The following SVOPL variants were observed in gnomAD, a reference collection of about 807,000 sequenced individuals.
SVOPL encodes the protein putative transporter SVOPL.
Under a neutral mutation model 61.0 loss-of-function variants are expected in SVOPL, and 60 were observed. The observed-to-expected ratio is 0.98, with a 90% CI of 0.80 to 1.22. The LOEUF (loss-of-function observed/expected upper bound fraction) is 1.22, where lower values mean the gene tolerates loss of function less well. SVOPL is among the 50% of genes most tolerant of loss of function. The pLI, the probability that SVOPL is intolerant of heterozygous loss-of-function variation, is 0.00. For missense variants in SVOPL, 662 were observed against 643.9 expected, an observed-to-expected ratio of 1.03 and a Z score of -0.30; for synonymous variants, 279 against 250.0, an observed-to-expected ratio of 1.12 and a Z score of -1.09.
At chr7:138,693,660 AGAGG>A (rs1031984978) in intron 1 of SVOPL, among the ~76,000 whole-genome samples, 4 of 147,896 alleles carry the variant, frequency 2.7e-5, no homozygotes, top group South Asian at 4.4e-4. Context: ...AAAGAAAGAG[AGAGG>A]GAGGGAGGGA....
intron 14 of SVOPL, among the ~76,000 whole-genome samples, chr7:138,611,270 C>T (rs748789980): frequency 6.6e-6 from 1 of 152,038 alleles, no homozygotes; most frequent in African/African-American, 2.4e-5. Context: ...CCTAGCTACT[C>T]GGGACGCTGA....
chr7:138,623,685 C>T (rs1347440396), intron 13 of SVOPL, among the ~76,000 whole-genome samples: 1 of 152,140 alleles, frequency 6.6e-6, no homozygotes, highest in Non-Finnish European at 1.5e-5. Flanking sequence ...CTGTACATCC[C>T]AAATGCAGTT....
At chr7:138,597,323 T>TA in intron 14 of SVOPL, 4 of 994,776 alleles carry the variant, frequency 4.0e-6, no homozygotes, top group Non-Finnish European at 5.4e-6. Flanking sequence ...TTTCTTCCCT[T>TA]TACAGATGAG....
chr7:138,661,892 A>C, intron 5 of SVOPL: 1 of 985,380 alleles, frequency 1.0e-6, no homozygotes, highest in Non-Finnish European at 1.2e-6. Context: ...CCTTTAGGTC[A>C]ATATTTCTGG....
chr7:138,635,565 A>G (rs1800430851), intron 9 of SVOPL, among the ~76,000 whole-genome samples: 1 of 151,992 alleles, frequency 6.6e-6, no homozygotes, highest in African/African-American at 2.4e-5. Context: ...CTTGATAAAT[A>G]TGAGATTTAC....
intron 1 of SVOPL, among the ~76,000 whole-genome samples, chr7:138,693,978 C>T (rs999756392): frequency 2.6e-5 from 4 of 151,634 alleles, no homozygotes; most frequent in African/African-American, 4.9e-5. Context: ...TGTGTTCACC[C>T]GCACCGTACC....
At chr7:138,613,125 T>C (rs1225291100) in intron 14 of SVOPL, among the ~76,000 whole-genome samples, 1 of 152,052 alleles carries the variant, frequency 6.6e-6, no homozygotes, top group East Asian at 1.9e-4. Flanking sequence ...GTTCCAGCGA[T>C]TCTCCTGCCT....
chr7:138,637,487 GATAGATATAT>G (rs2116960792), intron 9 of SVOPL, among the ~76,000 whole-genome samples: 1 of 18,960 alleles, frequency 5.3e-5, no homozygotes, highest in East Asian at 2.2e-3. Context: ...TATAGATATA[GATAGATATAT>G]ATATATATAT....
chr7:138,618,722 G>C (rs1799414875), intron 14 of SVOPL, among the ~76,000 whole-genome samples: 1 of 148,792 alleles, frequency 6.7e-6, no homozygotes, highest in African/African-American at 2.5e-5. Context: ...GAGAGAGAGA[G>C]AGGAAGGAAG....
chr7:138,601,253 A>AAC (rs1798510468), intron 14 of SVOPL, among the ~76,000 whole-genome samples: 1 of 125,270 alleles, frequency 8.0e-6, no homozygotes, highest in Non-Finnish European at 1.7e-5. Flanking sequence ...TTCCATCTCA[A>AAC]AAAAAAAAAA....
At chr7:138,625,443 T>C (rs1799849654) in intron 13 of SVOPL, among the ~76,000 whole-genome samples, 1 of 152,182 alleles carries the variant, frequency 6.6e-6, no homozygotes, top group African/African-American at 2.4e-5. Context: ...CTAGGAATAT[T>C]AGTTGTTTAA....
At position 138,650,287 on chromosome 7, in the gene SVOPL, G is replaced by A. The variant is rs187162589; in HGVS notation, c.535-1150C>T. ...GGGTGTGTTAGTAGGGCTTGTGATT[G>A]GGGATGAGGGACAGGGAGGGTCCGG... is the stretch of plus-strand genomic sequence containing the variant. On this transcript the variant is annotated intron_variant, in intron 7 of 15. Transcript: ENST00000674285. Among the ~76,000 whole-genome samples the A allele has an allele frequency of 3.0e-3, 454 of 152,252 alleles. 1 individual carries two copies. Among genetic ancestry groups the A allele is most frequent in the Admixed American group, 5.8e-3 (89 of 15,282 alleles).
intron 8 of SVOPL, among the ~76,000 whole-genome samples, chr7:138,648,611 G>A (rs1321782060): frequency 6.6e-6 from 1 of 151,954 alleles, no homozygotes; most frequent in Admixed American, 6.6e-5. Context: ...AGGAGTCTGA[G>A]GCAGGAGAAT....
rs567041569 is a variant in SVOPL at position 138,680,214 on chromosome 7, G to A, written c.-34-1135C>T. On this transcript the variant is annotated intron_variant, in intron 1 of 15. Transcript: ENST00000674285. Reference sequence around the variant, plus strand: ...AGGCAGAGTCTTGCCCTGTTGCCCAGACTGGAGTGCAGTGGCACGATCTCG... The same window carrying A: ...AGGCAGAGTCTTGCCCTGTTGCCCAAACTGGAGTGCAGTGGCACGATCTCG... Among the ~76,000 whole-genome samples, 179 of 145,314 alleles carry A rather than the reference G, an allele frequency of 1.2e-3. 1 individual carries two copies. The highest frequency in any genetic ancestry group is 4.4e-3 in the African/African-American group (174 of 39,110).
At chr7:138,636,628 G>A (rs909747064) in intron 9 of SVOPL, among the ~76,000 whole-genome samples, 3 of 151,884 alleles carry the variant, frequency 2.0e-5, no homozygotes, top group African/African-American at 7.3e-5. Context: ...CTGCCACGAA[G>A]CCTGGCTAGT....
chr7:138,606,889 G>A (rs1472112149), intron 14 of SVOPL, among the ~76,000 whole-genome samples: 1 of 152,160 alleles, frequency 6.6e-6, no homozygotes. Context: ...AGGAGGCAGA[G>A]GTTGCAGTGT....
intron 14 of SVOPL, among the ~76,000 whole-genome samples, chr7:138,617,064 G>A (rs1234480245): frequency 6.6e-6 from 1 of 152,184 alleles, no homozygotes; most frequent in East Asian, 1.9e-4. Context: ...CATCTCCCAG[G>A]TTCAAGCGAT....
chr7:138,638,687 T>G (rs970256602), intron 9 of SVOPL, among the ~76,000 whole-genome samples: 1 of 151,902 alleles, frequency 6.6e-6, no homozygotes, highest in African/African-American at 2.4e-5. Context: ...CAAAGCCATA[T>G]AAATGAGAGA....
At chr7:138,699,061 A>G (rs1584875356) in intron 1 of SVOPL, among the ~76,000 whole-genome samples, 1 of 152,168 alleles carries the variant, frequency 6.6e-6, no homozygotes, top group East Asian at 1.9e-4. Flanking sequence ...CTGAGGCAGG[A>G]GAATTGCTTG....
Sources: allele counts gnomAD v4.1 joint callset (sites outside exome capture counted in the v4.1 genomes callset), GRCh38; gene constraint gnomAD v4.1.1; transcripts MANE v1.5; gene names NCBI Gene and HGNC (gene_info 2026-07-23, HGNC 2026-07-21).